Variants in SHISA9 observed in about 807,000 individuals in gnomAD.
SHISA9 encodes shisa family member 9.
A neutral mutation model predicts 38.0 loss-of-function variants in SHISA9; 13 were observed. The observed-to-expected ratio is 0.34, with a 90% confidence interval of 0.22 to 0.54. SHISA9 has a LOEUF of 0.54. Ranked by LOEUF, SHISA9 falls within the 20% of genes least tolerant of loss-of-function variation. The pLI is 0.91. For synonymous variants in SHISA9, 275 were observed against 242.0 expected (o/e 1.14, Z -1.27); for missense variants, 538 against 575.8 (o/e 0.93, Z 0.67).
the SHISA9 span, among the ~76,000 whole-genome samples, chr16:13,337,602 T>C: frequency 1.6e-4 from 24 of 152,170 alleles, no homozygotes; most frequent in Non-Finnish European, 2.9e-4. Context: ...GATATTCATG[T>C]GTAATATTCT....
chr16:13,181,275 A>G (rs978637031), intron 2 of SHISA9, among the ~76,000 whole-genome samples: 2 of 48,168 alleles, frequency 4.2e-5, no homozygotes, highest in South Asian at 7.1e-4. Context: ...TTTTATATAT[A>G]TATATATATA....
intron 2 of SHISA9, among the ~76,000 whole-genome samples, chr16:12,949,610 A>G (rs541069865): frequency 6.6e-6 from 1 of 152,324 alleles, no homozygotes; most frequent in African/African-American, 2.4e-5. Flanking sequence ...ATAGATGTCA[A>G]CATCATTAAT....
At chr16:13,418,539 G>C in the SHISA9 span, among the ~76,000 whole-genome samples, 2 of 152,122 alleles carry the variant, frequency 1.3e-5, no homozygotes, top group African/African-American at 2.4e-5. Flanking sequence ...CTTCTCCTCC[G>C]TATGACCACA....
intron 2 of SHISA9, among the ~76,000 whole-genome samples, chr16:13,125,639 A>C (rs1475595075): frequency 6.6e-6 from 1 of 152,234 alleles, no homozygotes. Flanking sequence ...CCACTCTTGT[A>C]AAAATGAAAT....
the SHISA9 span, among the ~76,000 whole-genome samples, chr16:13,289,472 T>C: frequency 6.6e-6 from 1 of 151,840 alleles, no homozygotes; most frequent in South Asian, 2.1e-4. Flanking sequence ...TTACTTTCAG[T>C]TGTGGGACAA....
the SHISA9 span, among the ~76,000 whole-genome samples, chr16:13,493,502 T>C: frequency 6.6e-6 from 1 of 152,178 alleles, no homozygotes; most frequent in Admixed American, 6.5e-5. Context: ...ACCCCTGATA[T>C]CTGAGACACA....
chr16:13,069,300 TG>T (rs2141920100), intron 2 of SHISA9, among the ~76,000 whole-genome samples: 1 of 152,088 alleles, frequency 6.6e-6, no homozygotes, highest in African/African-American at 2.4e-5. Flanking sequence ...TGTATGCGTG[TG>T]TATATGTGTA....
the SHISA9 span, among the ~76,000 whole-genome samples, chr16:13,352,892 T>A: frequency 6.6e-6 from 1 of 152,102 alleles, no homozygotes; most frequent in African/African-American, 2.4e-5. Flanking sequence ...ACCGGCCATT[T>A]ACACTTCTTT....
At chr16:13,126,816 G>C (rs1460491373) in intron 2 of SHISA9, among the ~76,000 whole-genome samples, 12 of 124,472 alleles carry the variant, frequency 9.6e-5, no homozygotes, top group Admixed American at 8.4e-4. Context: ...GAGAGAGAGA[G>C]AGCTGAGGGA....
chr16:13,394,471 T>A, the SHISA9 span, among the ~76,000 whole-genome samples: 1 of 152,198 alleles, frequency 6.6e-6, no homozygotes, highest in South Asian at 2.1e-4. Flanking sequence ...ACCCTCTTCT[T>A]TGTCCATTCT....
intron 2 of SHISA9, among the ~76,000 whole-genome samples, chr16:12,981,373 A>T (rs1329451286): frequency 2.0e-5 from 3 of 152,210 alleles, no homozygotes; most frequent in African/African-American, 7.2e-5. Flanking sequence ...ATGGCAGGGG[A>T]GCAGACAGAG....
At chr16:13,352,322 C>G in the SHISA9 span, among the ~76,000 whole-genome samples, 126 of 152,218 alleles carry the variant, frequency 8.3e-4, no homozygotes, top group African/African-American at 2.7e-3. Flanking sequence ...TTATTTGATG[C>G]TTTTGTTATG....
chr16:13,126,501 T>C (rs565071135), intron 2 of SHISA9, among the ~76,000 whole-genome samples: 4 of 112,572 alleles, frequency 3.6e-5, no homozygotes, highest in South Asian at 5.7e-4. Flanking sequence ...GAAAGGGAGA[T>C]TGAAGGAGGG....
At chr16:13,230,631 C>T (rs1262167695) in intron 4 of SHISA9, among the ~76,000 whole-genome samples, 1 of 151,950 alleles carries the variant, frequency 6.6e-6, no homozygotes, top group Non-Finnish European at 1.5e-5. Flanking sequence ...CGACCTAGAC[C>T]CCAAGAGAGG....
At chr16:13,382,106 T>C in the SHISA9 span, among the ~76,000 whole-genome samples, 1 of 152,208 alleles carries the variant, frequency 6.6e-6, no homozygotes, top group Admixed American at 6.5e-5. Context: ...TGGAAGTGTA[T>C]TGATACAAAC....
the SHISA9 span, among the ~76,000 whole-genome samples, chr16:13,539,111 G>A: frequency 6.6e-6 from 1 of 151,394 alleles, no homozygotes. Flanking sequence ...GTGAGGATAA[G>A]GTCCAGCAAC....
chr16:13,399,898 G>A, the SHISA9 span, among the ~76,000 whole-genome samples: 1 of 152,180 alleles, frequency 6.6e-6, no homozygotes, highest in Non-Finnish European at 1.5e-5. Flanking sequence ...TACTTGTAGT[G>A]GGAACAGTAA....
intron 2 of SHISA9, among the ~76,000 whole-genome samples, chr16:13,092,673 G>A (rs2073787147): frequency 6.6e-6 from 1 of 152,228 alleles, no homozygotes; most frequent in African/African-American, 2.4e-5. Context: ...CTAAGACCTT[G>A]GGAAAAGCAC....
chr16:13,553,498 C>T, the SHISA9 span, among the ~76,000 whole-genome samples: 1 of 152,078 alleles, frequency 6.6e-6, no homozygotes, highest in Non-Finnish European at 1.5e-5. Context: ...AGCAGGGATT[C>T]GATCTTGTGT....
Sources: allele counts gnomAD v4.1 joint callset (sites outside exome capture counted in the v4.1 genomes callset), GRCh38; gene constraint gnomAD v4.1.1; transcripts MANE v1.5; gene names NCBI Gene and HGNC (gene_info 2026-07-23, HGNC 2026-07-21).